FAM241A: variants seen among roughly 807,000 people sequenced by gnomAD.
FAM241A encodes the protein family with sequence similarity 241 member A.
Under a neutral mutation model 12.2 loss-of-function variants are expected in FAM241A, and 7 were observed. That is an observed-to-expected ratio of 0.58 (90% CI 0.33 to 1.08). FAM241A has a LOEUF of 1.08. Among genes scored for constraint, FAM241A ranks in the 50% least tolerant of loss-of-function variants. FAM241A has a pLI of 0.04. For missense variants in FAM241A, 161 were observed against 169.7 expected (o/e 0.95, Z 0.29); for synonymous variants, 74 against 68.2 (o/e 1.08, Z -0.42).
rs1416121565 is a variant in FAM241A at position 112,191,849 on chromosome 4, A to T, written c.*4911A>T. The T allele has an allele frequency of 6.6e-6, 1 of 152,222 alleles. No homozygotes were observed. The highest frequency in any genetic ancestry group is 1.5e-5 in the Non-Finnish European group (1 of 68,048). The allele number at this position is 152,222 out of a possible 1,614,324, so 9.4% of individuals were successfully genotyped here. A position where few individuals can be genotyped will look rare whatever the true frequency, so the allele number is the denominator to read the frequency against. On this transcript the variant is annotated 3_prime_UTR_variant, in exon 2 of 2. Coordinates refer to ENST00000309733, the MANE Select transcript of FAM241A (RefSeq NM_152400.3). The stretch of plus-strand genomic sequence containing the variant: ...TGCTTTAATAATTGATTAATTATTA[A>T]ATTAATCAATAGGCTTCACAAGGGA...
chr4:112,168,507 T>TA (rs1723646845), intron 1 of FAM241A, among the ~76,000 whole-genome samples: 1 of 152,208 alleles, frequency 6.6e-6, no homozygotes, highest in Non-Finnish European at 1.5e-5. Flanking sequence ...ACAATAAATA[T>TA]AAATGGCATT....
chr4:112,185,428 C>G (rs1044921492), intron 1 of FAM241A, among the ~76,000 whole-genome samples: 5 of 152,086 alleles, frequency 3.3e-5, no homozygotes, highest in Non-Finnish European at 5.9e-5. Flanking sequence ...GAATCAGAAA[C>G]TCTAGTAGTA....
chr4:112,181,570 A>G (rs1465672350), intron 1 of FAM241A, among the ~76,000 whole-genome samples: 2 of 152,232 alleles, frequency 1.3e-5, no homozygotes, highest in African/African-American at 4.8e-5. Context: ...TCAAATAATG[A>G]CACACATTGG....
rs571975781 is a variant in FAM241A, at chr4:112,179,360, A to G, written c.154-7333A>G. On this transcript the variant is annotated intron_variant, in intron 1 of 1. Transcript: ENST00000309733. ...TAAGAAAATGTGGCACATATACACC[A>G]TGGAGTACTATGCAGCCATAAAAAA... 3.9e-5 allele frequency among the ~76,000 whole-genome samples: 6 copies of G among 152,324 alleles called. No homozygotes were observed. The South Asian group carries it at 1.0e-3, about 26-fold the overall frequency.
At position 112,153,666 on chromosome 4, in the gene FAM241A, G is replaced by A. The variant is rs151298695; in HGVS notation, c.153+7933G>A. Reference sequence around the variant, plus strand: ...CATACCCAGTGTTTCCCCCGGCACCGCCCCCAGCCATTTAACTTCATTGGC... The same window carrying A: ...CATACCCAGTGTTTCCCCCGGCACCACCCCCAGCCATTTAACTTCATTGGC... On this transcript the variant is annotated intron_variant, in intron 1 of 1. Coordinates refer to ENST00000309733, the MANE Select transcript of FAM241A (RefSeq NM_152400.3). Among the ~76,000 whole-genome samples the A allele has an allele frequency of 7.1e-3, 1,084 of 152,106 alleles. 6 individuals are homozygous for A. Among genetic ancestry groups the A allele is most frequent in the Non-Finnish European group, 9.6e-3 (656 of 67,998 alleles).
rs1053753690 is a variant in FAM241A at position 112,191,282 on chromosome 4, G to A, written c.*4344G>A. ...ACTTCTATTCATTCCTAGCATCACT[G>A]AGTCCATTCTGCCATCATCTCACCT... is the stretch of plus-strand genomic sequence containing the variant. On this transcript the variant is annotated 3_prime_UTR_variant, in exon 2 of 2. Coordinates refer to ENST00000309733, the MANE Select transcript of FAM241A (RefSeq NM_152400.3). 76 of 152,104 alleles carry A rather than the reference G, an allele frequency of 5.0e-4. No homozygotes were observed. The highest frequency in any genetic ancestry group is 1.8e-3 in the African/African-American group (74 of 41,424). The allele number at this position is 152,104 out of a possible 1,614,324, so 9.4% of individuals were successfully genotyped here.
intron 1 of FAM241A, among the ~76,000 whole-genome samples, chr4:112,172,575 T>A (rs183711051): frequency 1.3e-4 from 20 of 152,334 alleles, no homozygotes; most frequent in Admixed American, 6.5e-4. Flanking sequence ...CAAATTGACC[T>A]TTTTTGAACT....
chr4:112,153,847 A>T lies in FAM241A; in HGVS notation c.153+8114A>T, dbSNP rs892690852. ...ATGGAAAATAAAGGATAAAATTATC[A>T]TTAATACTTAATATCTAAACATAAT... On this transcript the variant is annotated intron_variant, in intron 1 of 1. Transcript: ENST00000309733. Among the ~76,000 whole-genome samples, 6 of 152,244 alleles carry T rather than the reference A, an allele frequency of 3.9e-5. No individual in the cohort carries two copies. In the East Asian group the frequency reaches 1.2e-3, roughly 29 times the overall value.
intron 1 of FAM241A, among the ~76,000 whole-genome samples, chr4:112,156,711 G>A (rs762628700): frequency 1.3e-5 from 2 of 152,196 alleles, no homozygotes; most frequent in Admixed American, 6.5e-5. Context: ...TGGACTTTGT[G>A]TATAACAGGA....
chr4:112,172,477 A>T (rs970060288), intron 1 of FAM241A, among the ~76,000 whole-genome samples: 8 of 152,220 alleles, frequency 5.3e-5, no homozygotes, highest in African/African-American at 1.9e-4. Context: ...AGTTAAACAC[A>T]CCATATCATT....
Position 112,188,319 on chromosome 4 carries a change from C to CT in FAM241A, c.*1385dup, listed in dbSNP as rs375370691. ...GTGCTTGCTATCCCACTTCATAAAGCTTTTACCCAATCTTATTTCTAAACC... is the reference window on the plus strand; with the variant it reads ...GTGCTTGCTATCCCACTTCATAAAGCTTTTTACCCAATCTTATTTCTAAACC... On this transcript the variant is annotated 3_prime_UTR_variant, in exon 2 of 2. Coordinates refer to ENST00000309733, the MANE Select transcript of FAM241A (RefSeq NM_152400.3). 6.6e-6 allele frequency: 1 copy of CT among 152,100 alleles called. No individual in the cohort carries two copies. The highest frequency in any genetic ancestry group is 2.1e-4 in the South Asian group (1 of 4,822). 9.4% of individuals were successfully genotyped at this position (152,100 alleles called of 1,614,324 possible).
At position 112,186,953 on chromosome 4, in the gene FAM241A, G is replaced by A. The variant is rs772376933; in HGVS notation, c.*15G>A. On this transcript the variant is annotated 3_prime_UTR_variant, in exon 2 of 2. Transcript: ENST00000309733. The stretch of plus-strand genomic sequence containing the variant: ...TGCAACAGTAAAACATGGCCGAATT[G>A]AATTGTTTGACATTTGGTAGCCATA... 2 of 1,604,524 alleles carry A rather than the reference G, an allele frequency of 1.2e-6. No homozygotes were observed. Among genetic ancestry groups the A allele is most frequent in the Non-Finnish European group, 1.7e-6 (2 of 1,174,194 alleles).
chr4:112,180,583 T>C (rs1379344518), intron 1 of FAM241A, among the ~76,000 whole-genome samples: 1 of 152,186 alleles, frequency 6.6e-6, no homozygotes, highest in Non-Finnish European at 1.5e-5. Flanking sequence ...CATTGCTGAC[T>C]GATACATTTG....
intron 1 of FAM241A, among the ~76,000 whole-genome samples, chr4:112,179,165 C>G (rs1723878280): frequency 6.6e-6 from 1 of 152,074 alleles, no homozygotes; most frequent in African/African-American, 2.4e-5. Context: ...CTTCTGTTGC[C>G]ATTGCTTTTG....
rs538355882 is a variant in FAM241A at position 112,166,210 on chromosome 4, G to A, written c.153+20477G>A. ...ACTACAGGTGCCCCCCACCACACCC[G>A]GCTAATTTTTTTGTATTTTTTTTTT... On this transcript the variant is annotated intron_variant, in intron 1 of 1. Coordinates refer to ENST00000309733, the MANE Select transcript of FAM241A (RefSeq NM_152400.3). 9.9e-5 allele frequency among the ~76,000 whole-genome samples: 15 copies of A among 151,434 alleles called. 1 individual carries two copies. The highest frequency in any genetic ancestry group is 6.6e-4 in the Admixed American group (10 of 15,194).
At position 112,193,490 on chromosome 4, in the gene FAM241A, G is replaced by T. The variant is rs1245204820; in HGVS notation, c.*6552G>T. The T allele has an allele frequency of 6.6e-6, 1 of 152,168 alleles. No homozygotes were observed. The highest frequency in any genetic ancestry group is 1.5e-5 in the Non-Finnish European group (1 of 68,034). The allele number at this position is 152,168 out of a possible 1,614,324, so 9.4% of individuals were successfully genotyped here. On this transcript the variant is annotated 3_prime_UTR_variant, in exon 2 of 2. Coordinates refer to ENST00000309733, the MANE Select transcript of FAM241A (RefSeq NM_152400.3). Reference sequence around the variant, plus strand: ...GTTTTTATGGTTTTAGGTCTGACATGTAAGTCTTTAATCCATCTTGAAATA... The same window carrying T: ...GTTTTTATGGTTTTAGGTCTGACATTTAAGTCTTTAATCCATCTTGAAATA...
intron 1 of FAM241A, among the ~76,000 whole-genome samples, chr4:112,157,289 G>C (rs1263438795): frequency 6.6e-6 from 1 of 152,098 alleles, no homozygotes; most frequent in East Asian, 1.9e-4. Flanking sequence ...CACTGGAACA[G>C]AGTTTATTCC....
At chr4:112,155,174 C>G (rs555876537) in intron 1 of FAM241A, among the ~76,000 whole-genome samples, 89 of 152,204 alleles carry the variant, frequency 5.8e-4, no homozygotes, top group African/African-American at 2.1e-3. Flanking sequence ...CCATTTCTTT[C>G]TCTACAATAG....
intron 1 of FAM241A, among the ~76,000 whole-genome samples, chr4:112,179,308 C>G (rs1010862938): frequency 6.6e-6 from 1 of 152,016 alleles, no homozygotes; most frequent in African/African-American, 2.4e-5. Flanking sequence ...GGAACCAACC[C>G]AAATGTCCAA....
Sources: allele counts gnomAD v4.1 joint callset (sites outside exome capture counted in the v4.1 genomes callset), GRCh38; gene constraint gnomAD v4.1.1; transcripts MANE v1.5; gene names NCBI Gene and HGNC (gene_info 2026-07-23, HGNC 2026-07-21).